The following SLC25A21 variants were observed in gnomAD, a reference collection of about 807,000 sequenced individuals.
SLC25A21 encodes mitochondrial 2-oxodicarboxylate carrier.
In SLC25A21, 47 loss-of-function variants were observed where a neutral mutation model predicts 43.8. The ratio of observed to expected loss-of-function variants is 1.07; its 90% CI spans 0.85 to 1.37. SLC25A21 has a LOEUF of 1.37. Among genes scored for constraint, SLC25A21 ranks in the 40% most tolerant of loss-of-function variants. SLC25A21 has a pLI of 0.00. For missense variants in SLC25A21, 352 were observed against 350.2 expected (o/e 1.00, Z -0.04); for synonymous variants, 131 against 121.3 (o/e 1.08, Z -0.52).
intron 1 of SLC25A21, among the ~76,000 whole-genome samples, chr14:36,910,585 A>C (rs1250903798): frequency 6.6e-6 from 1 of 152,158 alleles, no homozygotes; most frequent in African/African-American, 2.4e-5. Flanking sequence ...ATATATTTAG[A>C]AGTTGATGTG....
chr14:36,789,988 T>C (rs1157546855), intron 3 of SLC25A21, among the ~76,000 whole-genome samples: 2 of 133,564 alleles, frequency 1.5e-5, no homozygotes, highest in Admixed American at 8.7e-5. Context: ...AATATATATA[T>C]ATTTTTCCTA....
intron 2 of SLC25A21, among the ~76,000 whole-genome samples, chr14:36,825,303 A>G (rs936336233): frequency 1.3e-5 from 2 of 152,216 alleles, no homozygotes; most frequent in African/African-American, 4.8e-5. Flanking sequence ...TGCCTTTAAT[A>G]ATAAACATTC....
chr14:36,767,367 T>C (rs990120213), intron 3 of SLC25A21, among the ~76,000 whole-genome samples: 17 of 152,226 alleles, frequency 1.1e-4, no homozygotes, highest in African/African-American at 4.1e-4. Flanking sequence ...TTTATTCAGA[T>C]TTTGTTTTGA....
intron 1 of SLC25A21, among the ~76,000 whole-genome samples, chr14:37,104,137 C>T (rs1962868916): frequency 6.6e-6 from 1 of 152,158 alleles, no homozygotes; most frequent in South Asian, 2.1e-4. Context: ...AATTCTGCTA[C>T]CAAATCAGAA....
At chr14:36,888,990 C>G (rs1197751948) in intron 1 of SLC25A21, among the ~76,000 whole-genome samples, 1 of 152,178 alleles carries the variant, frequency 6.6e-6, no homozygotes, top group Non-Finnish European at 1.5e-5. Context: ...TGCTACAATA[C>G]TTGTCTTTAG....
chr14:37,023,050 T>G (rs1451888638), intron 1 of SLC25A21, among the ~76,000 whole-genome samples: 1 of 151,984 alleles, frequency 6.6e-6, no homozygotes, highest in Non-Finnish European at 1.5e-5. Flanking sequence ...AACACAACTC[T>G]CAAATTTTGC....
chr14:36,919,614 TCTATCTACC>T (rs1891922129), intron 1 of SLC25A21, among the ~76,000 whole-genome samples: 1 of 105,074 alleles, frequency 9.5e-6, no homozygotes, highest in African/African-American at 4.2e-5. Flanking sequence ...TTCAAGATTA[TCTATCTACC>T]TATCTATCTA....
intron 1 of SLC25A21, among the ~76,000 whole-genome samples, chr14:36,891,231 T>C (rs1891063893): frequency 6.6e-6 from 1 of 152,160 alleles, no homozygotes; most frequent in Non-Finnish European, 1.5e-5. Flanking sequence ...AAAATCTCCC[T>C]TGGAATTCTA....
intron 1 of SLC25A21, among the ~76,000 whole-genome samples, chr14:37,063,211 G>A (rs1961987467): frequency 1.3e-5 from 2 of 152,078 alleles, no homozygotes; most frequent in South Asian, 4.1e-4. Flanking sequence ...TTCAAGATGA[G>A]ATTTGGGTCC....
At chr14:36,856,874 T>C (rs190281610) in intron 2 of SLC25A21, among the ~76,000 whole-genome samples, 1 of 152,318 alleles carries the variant, frequency 6.6e-6, no homozygotes, top group Admixed American at 6.5e-5. Context: ...ATGGTTGACA[T>C]GAATATCTGG....
chr14:36,994,178 T>C (rs1003645831), intron 1 of SLC25A21, among the ~76,000 whole-genome samples: 4 of 152,152 alleles, frequency 2.6e-5, no homozygotes, highest in Admixed American at 2.6e-4. Flanking sequence ...ATCGGGGAGA[T>C]GTCTTTCCCC....
rs1245657714 is a variant in SLC25A21 at position 36,679,668 on chromosome 14, C to A, written c.*990G>T. On this transcript the variant is annotated 3_prime_UTR_variant, in exon 10 of 10. Transcript: ENST00000331299. ...AATACTGCAGACAGCTGACTTCCCA[C>A]CTGAAGTTGTCGTTTAAAACTAATA... The A allele has an allele frequency of 3.5e-5, 34 of 985,254 alleles. No individual in the cohort carries two copies. The highest frequency in any genetic ancestry group is 4.0e-5 in the Non-Finnish European group (33 of 829,902). 61.0% of individuals were successfully genotyped at this position (985,254 alleles called of 1,614,324 possible). A position where few individuals can be genotyped will look rare whatever the true frequency, so the allele number is the denominator to read the frequency against.
At chr14:37,145,476 C>CACAGAGAGAG (rs780734735) in intron 1 of SLC25A21, among the ~76,000 whole-genome samples, 10 of 143,676 alleles carry the variant, frequency 7.0e-5, no homozygotes, top group African/African-American at 2.1e-4. Context: ...CACACACACA[C>CACAGAGAGAG]AGAGAGATGA....
chr14:36,771,223 T>G (rs1189582771), intron 3 of SLC25A21, among the ~76,000 whole-genome samples: 1 of 152,354 alleles, frequency 6.6e-6, no homozygotes, highest in South Asian at 2.1e-4. Flanking sequence ...TCCTTTAATT[T>G]GTAAACCTCA....
At chr14:36,862,942 G>C (rs1209726918) in intron 2 of SLC25A21, among the ~76,000 whole-genome samples, 1 of 151,996 alleles carries the variant, frequency 6.6e-6, no homozygotes. Context: ...TATCTCATAG[G>C]GAAACTTGTG....
At chr14:37,039,647 C>T (rs745695860) in intron 1 of SLC25A21, among the ~76,000 whole-genome samples, 1 of 152,158 alleles carries the variant, frequency 6.6e-6, no homozygotes, top group Non-Finnish European at 1.5e-5. Context: ...TATCAAGAGG[C>T]ATTTATTGAG....
intron 1 of SLC25A21, among the ~76,000 whole-genome samples, chr14:36,919,619 CTACCTAT>C (rs1219610398): frequency 4.9e-3 from 106 of 21,692 alleles, no homozygotes; most frequent in African/African-American, 0.018. Flanking sequence ...GATTATCTAT[CTACCTAT>C]CTATCTATCT....
chr14:37,076,378 G>A (rs1017649252), intron 1 of SLC25A21, among the ~76,000 whole-genome samples: 4 of 151,954 alleles, frequency 2.6e-5, no homozygotes, highest in African/African-American at 9.7e-5. Flanking sequence ...TCGTCATGTT[G>A]CCCAGGCTGG....
At chr14:36,821,361 A>G (rs972473118) in intron 2 of SLC25A21, among the ~76,000 whole-genome samples, 3 of 149,720 alleles carry the variant, frequency 2.0e-5, no homozygotes, top group African/African-American at 7.3e-5. Context: ...AGTTTTTTTT[A>G]GCAAGTACTG....
Sources: gnomAD v4.1 joint callset for allele counts (sites outside exome capture counted in the v4.1 genomes callset) on GRCh38, gnomAD v4.1.1 for gene constraint, MANE v1.5 for transcripts, NCBI Gene and HGNC (gene_info 2026-07-23, HGNC 2026-07-21) for gene names.